Variants in PRH1 observed in about 807,000 individuals in gnomAD.
The protein encoded by PRH1 is proline rich protein HaeIII subfamily 1.
In PRH1, 7 loss-of-function variants were observed where a neutral mutation model predicts 7.9. The ratio of observed to expected loss-of-function variants is 0.89; its 90% CI spans 0.50 to 1.67. PRH1 has a LOEUF of 1.67. PRH1 is among the 40% of genes most tolerant of loss of function. The pLI, the probability that PRH1 is intolerant of heterozygous loss-of-function variation, is 0.00. For missense variants in PRH1, 109 were observed against 223.6 expected (o/e 0.49, Z 3.27); for synonymous variants, 45 against 80.8 (o/e 0.56, Z 2.38).
chr12:11,003,548 T>C (rs1940690841), intron 1 of PRH1, among the ~76,000 whole-genome samples: 1 of 151,964 alleles, frequency 6.6e-6, no homozygotes, highest in South Asian at 2.1e-4. Context: ...GCCACCAATG[T>C]AATAAATTAT....
At position 11,030,861 on chromosome 12, in the gene PRH1, C is replaced by T. The variant is rs751450884; in HGVS notation, c.-126+16159G>A. ...TTGATCTTCCAAGTCAAGTTTCCTTCATATTCTTTTGTCCGTACAATCTCT... is the reference window on the plus strand; with the variant it reads ...TTGATCTTCCAAGTCAAGTTTCCTTTATATTCTTTTGTCCGTACAATCTCT... On this transcript the variant is annotated intron_variant, in intron 1 of 3. Transcript: ENST00000539853. The T allele has an allele frequency of 4.3e-6, 7 of 1,614,036 alleles. No individual in the cohort carries two copies. The South Asian group carries it at 5.5e-5, about 13-fold the overall frequency.
chr12:11,158,757 G>T (rs1398422919), intron 1 of PRH1: 9 of 152,020 alleles, frequency 5.9e-5, no homozygotes, highest in Non-Finnish European at 1.3e-4. Flanking sequence ...TTTCATAGAT[G>T]CAGAAAGTTA....
chr12:10,923,823 C>T (rs1950085431), intron 2 of PRH1, among the ~76,000 whole-genome samples: 1 of 152,070 alleles, frequency 6.6e-6, no homozygotes, highest in South Asian at 2.1e-4. Flanking sequence ...TATTTATTCT[C>T]TGTCTTTTGA....
intron 1 of PRH1, among the ~76,000 whole-genome samples, chr12:11,071,429 C>T (rs1407651937): frequency 6.6e-6 from 1 of 152,200 alleles, no homozygotes; most frequent in Non-Finnish European, 1.5e-5. Flanking sequence ...TTTTGCATAA[C>T]TTCAGATAGT....
At chr12:11,123,962 GTT>G (rs1470021467) in intron 1 of PRH1, among the ~76,000 whole-genome samples, 3 of 152,094 alleles carry the variant, frequency 2.0e-5, no homozygotes, top group Non-Finnish European at 4.4e-5. Flanking sequence ...TGATTTTGGG[GTT>G]TTTTGTTTTC....
chr12:10,881,834 A>G (rs1949405357), intron 3 of PRH1, among the ~76,000 whole-genome samples: 1 of 152,236 alleles, frequency 6.6e-6, no homozygotes, highest in Non-Finnish European at 1.5e-5. Context: ...CTTAGCAGGA[A>G]TACTGGACCT....
At chr12:10,968,045 C>T (rs1832223007) in intron 2 of PRH1, among the ~76,000 whole-genome samples, 1 of 152,132 alleles carries the variant, frequency 6.6e-6, no homozygotes, top group South Asian at 2.1e-4. Flanking sequence ...GGAGCCACTG[C>T]ACTCCAGCCT....
At chr12:10,968,877 T>C (rs531698196) in intron 2 of PRH1, among the ~76,000 whole-genome samples, 2 of 152,244 alleles carry the variant, frequency 1.3e-5, no homozygotes, top group Non-Finnish European at 2.9e-5. Flanking sequence ...CTCTTTTAGC[T>C]CTGCTATCTG....
intron 1 of PRH1, among the ~76,000 whole-genome samples, chr12:10,999,879 C>T (rs1940500586): frequency 6.6e-6 from 1 of 152,094 alleles, no homozygotes; most frequent in Non-Finnish European, 1.5e-5. Context: ...AATTTAGTTA[C>T]ATAGTTGCAT....
chr12:11,009,314 C>T (rs988522262), intron 1 of PRH1, among the ~76,000 whole-genome samples: 2 of 151,886 alleles, frequency 1.3e-5, no homozygotes, highest in Non-Finnish European at 2.9e-5. Context: ...CCTTTCACCT[C>T]TAGCTACTTT....
At chr12:11,160,172 T>C (rs1394167430) in intron 1 of PRH1, among the ~76,000 whole-genome samples, 1 of 152,230 alleles carries the variant, frequency 6.6e-6, no homozygotes, top group Non-Finnish European at 1.5e-5. Flanking sequence ...AAATAACATT[T>C]ATTTCAGTAA....
rs1375797289 is a variant in PRH1 at position 11,148,737 on chromosome 12, T to C, written n.39+22685A>G. The stretch of plus-strand genomic sequence containing the variant: ...CATCAATGTTCATCAAGGATATTAG[T>C]CTAAAATTCTCTTTTTGGTTGTGTC... On this transcript the variant is annotated intron_variant and non_coding_transcript_variant, in intron 1 of 1. Transcript: ENST00000541175. Among the ~76,000 whole-genome samples, 2 of 112,742 alleles carry C rather than the reference T, an allele frequency of 1.8e-5. 1 individual carries two copies. Among genetic ancestry groups the C allele is most frequent in the South Asian group, 4.9e-4 (2 of 4,080 alleles). 74.0% of individuals were successfully genotyped at this position (112,742 alleles called of 152,430 possible). A position where few individuals can be genotyped will look rare whatever the true frequency, so the allele number is the denominator to read the frequency against.
chr12:11,056,478 G>C (rs1943367107), intron 1 of PRH1, among the ~76,000 whole-genome samples: 1 of 152,102 alleles, frequency 6.6e-6, no homozygotes, highest in Admixed American at 6.6e-5. Flanking sequence ...GCTTGGTATA[G>C]CTATGATCTG....
chr12:11,162,669 A>G (rs1319795711), intron 1 of PRH1, among the ~76,000 whole-genome samples: 1 of 152,160 alleles, frequency 6.6e-6, no homozygotes, highest in Non-Finnish European at 1.5e-5. Context: ...CTGAGCACAC[A>G]TGAGACTACA....
rs187231498 is a variant in PRH1, at chr12:11,096,991, G to T, written n.124-49803C>A. ...TTTTTCGTATTTTTAGTAGAGACGG[G>T]GTTTCACCGTGTTCCCCAGTATGGT... On this transcript the variant is annotated intron_variant and non_coding_transcript_variant, in intron 1 of 4. Coordinates refer to the PRH1 transcript ENST00000541977. Among the ~76,000 whole-genome samples the T allele has an allele frequency of 4.3e-3, 495 of 113,872 alleles. 160 individuals carry two copies. Among genetic ancestry groups the T allele is most frequent in the Non-Finnish European group, 7.2e-3 (349 of 48,356 alleles). The allele number at this position is 113,872 out of a possible 152,430, so 74.7% of individuals were successfully genotyped here.
At chr12:11,037,369 T>C (rs1306995494) in intron 1 of PRH1, among the ~76,000 whole-genome samples, 1 of 152,242 alleles carries the variant, frequency 6.6e-6, no homozygotes, top group Admixed American at 6.5e-5. Context: ...TTTTATACGT[T>C]AAAAAATTTG....
intron 2 of PRH1, among the ~76,000 whole-genome samples, chr12:10,939,423 C>T (rs1000493235): frequency 2.0e-5 from 3 of 152,152 alleles, no homozygotes; most frequent in Non-Finnish European, 2.9e-5. Context: ...CTCAGCTGAG[C>T]TTCATCCAGA....
rs77548934 is a variant in PRH1 at position 10,948,378 on chromosome 12, C to A, written c.-59+25277G>T. 1.4e-3 allele frequency among the ~76,000 whole-genome samples: 212 copies of A among 152,280 alleles called. 1 individual carries two copies. Among genetic ancestry groups the A allele is most frequent in the African/African-American group, 4.9e-3 (203 of 41,554 alleles). ...GACTGTATTATTTCAGAAAACCAGT[C>A]TTCAAGTTCTGAAACTCTTCCCTCA... On this transcript the variant is annotated intron_variant, in intron 2 of 3. Coordinates refer to the PRH1 transcript ENST00000539853.
At chr12:10,989,817 C>A (rs1939842356) in intron 1 of PRH1, among the ~76,000 whole-genome samples, 1 of 152,150 alleles carries the variant, frequency 6.6e-6, no homozygotes, top group Admixed American at 6.5e-5. Flanking sequence ...CCATTGAATT[C>A]TAGCTTCAAT....
Sources: gnomAD v4.1 joint callset for allele counts (sites outside exome capture counted in the v4.1 genomes callset) on GRCh38, gnomAD v4.1.1 for gene constraint, MANE v1.5 for transcripts, NCBI Gene and HGNC (gene_info 2026-07-23, HGNC 2026-07-21) for gene names.